The following POLQ variants were observed in gnomAD, a reference collection of about 807,000 sequenced individuals.
POLQ encodes the protein epididymis secretory sperm binding protein.
In POLQ, 233 loss-of-function variants were observed where a neutral mutation model predicts 259.2. The observed-to-expected ratio is 0.90, with a 90% confidence interval of 0.81 to 1.00. POLQ has a LOEUF of 1.00. Among genes scored for constraint, POLQ ranks in the 50% least tolerant of loss-of-function variants. The pLI is 0.00. For missense variants in POLQ, 2,871 were observed against 3,051.6 expected, an observed-to-expected ratio of 0.94 and a Z score of 1.39; for synonymous variants, 1,025 against 1,048.8, an observed-to-expected ratio of 0.98 and a Z score of 0.44.
intron 19 of POLQ, among the ~76,000 whole-genome samples, chr3:121,481,012 C>A (rs2047965894): frequency 6.6e-6 from 1 of 152,080 alleles, no homozygotes; most frequent in South Asian, 2.1e-4. Context: ...TGATCTGGGC[C>A]AGCAGATAAC....
At chr3:121,543,756 C>A (rs533658682) in intron 2 of POLQ, among the ~76,000 whole-genome samples, 1 of 151,532 alleles carries the variant, frequency 6.6e-6, no homozygotes, top group Non-Finnish European at 1.5e-5. Flanking sequence ...GGCTGAGGTG[C>A]GTGGATCACC....
chr3:121,501,784 A>G (rs28406368), intron 12 of POLQ, among the ~76,000 whole-genome samples: 95,178 of 150,844 alleles, frequency 0.63, 30,425 homozygotes, highest in East Asian at 0.89. Flanking sequence ...TCAGGAGTTC[A>G]AGACTAGCCT....
At chr3:121,459,819 A>G (rs2047776344) in intron 25 of POLQ, among the ~76,000 whole-genome samples, 2 of 152,120 alleles carry the variant, frequency 1.3e-5, no homozygotes, top group South Asian at 4.1e-4. Flanking sequence ...TTAAATGCAT[A>G]TGGTTTTCCT....
chr3:121,467,566 C>T lies in POLQ; in HGVS notation c.6920G>A (p.Gly2307Glu), dbSNP rs752041083. 25 of 1,613,928 alleles carry T rather than the reference C, an allele frequency of 1.5e-5. No homozygotes were observed. Among genetic ancestry groups the T allele is most frequent in the South Asian group, 1.4e-4 (13 of 91,082 alleles). The change falls in exon 24 of 30, where the codon GGA becomes GAA. Residue 2307 changes from glycine to glutamate, a missense_variant. Coordinates refer to ENST00000264233, the MANE Select transcript of POLQ (RefSeq NM_199420.4). ...AQMEERAADR[G>E]MPFSISMRHA... ...TCGCATGCTAATTGAAAATGGCATT[C>T]CTCTGTCTGCAGCTCTCTCCTCCAT...
At chr3:121,469,056 G>A (rs1261850118) in intron 22 of POLQ, among the ~76,000 whole-genome samples, 5 of 151,960 alleles carry the variant, frequency 3.3e-5, no homozygotes, top group Non-Finnish European at 5.9e-5. Flanking sequence ...GCATGATGGC[G>A]GGTGCCTGCA....
At chr3:121,466,739 T>G (rs968839426) in intron 24 of POLQ, among the ~76,000 whole-genome samples, 8 of 151,786 alleles carry the variant, frequency 5.3e-5, no homozygotes, top group African/African-American at 1.9e-4. Flanking sequence ...TTCTGGGGAC[T>G]CCCTTGGATA....
intron 6 of POLQ, 70 bp downstream of exon 6, chr3:121,532,920 T>C: frequency 1.0e-6 from 1 of 979,280 alleles, no homozygotes; most frequent in Non-Finnish European, 1.6e-6. Flanking sequence ...CAGAATTTGT[T>C]AGCAATTTGC....
At chr3:121,515,078 A>G (rs1028559623) in intron 9 of POLQ, among the ~76,000 whole-genome samples, 8 of 152,328 alleles carry the variant, frequency 5.3e-5, no homozygotes, top group Non-Finnish European at 7.3e-5. Flanking sequence ...AGTTCTGCCA[A>G]GGGTGGAAGT....
Position 121,433,614 on chromosome 3 carries a change from C to T in POLQ, c.7544-581G>A, listed in dbSNP as rs528139833. Reference sequence around the variant, plus strand: ...TTATATGTAAGAGTCTATGTCTGTACGTTTTTCTGTGGAGATAATCCATAC... The same window carrying T: ...TTATATGTAAGAGTCTATGTCTGTATGTTTTTCTGTGGAGATAATCCATAC... On this transcript the variant is annotated intron_variant, in intron 28 of 29. Coordinates refer to ENST00000264233, the MANE Select transcript of POLQ (RefSeq NM_199420.4). Among the ~76,000 whole-genome samples the T allele has an allele frequency of 8.5e-5, 13 of 152,284 alleles. No homozygotes were observed. The South Asian group carries it at 1.5e-3, about 17-fold the overall frequency.
chr3:121,504,646 T>A (rs1198267309), intron 12 of POLQ, among the ~76,000 whole-genome samples: 2 of 152,114 alleles, frequency 1.3e-5, no homozygotes, highest in Non-Finnish European at 2.9e-5. Context: ...AATAAAATAC[T>A]AGCAATAAAA....
At chr3:121,447,893 A>T (rs1343720629) in intron 26 of POLQ, among the ~76,000 whole-genome samples, 1 of 152,220 alleles carries the variant, frequency 6.6e-6, no homozygotes, top group Non-Finnish European at 1.5e-5. Context: ...GCTGCCAGAC[A>T]TATTGAAGCT....
At chr3:121,432,564 A>G in intron 29 of POLQ, 147 bp from the exon 30 acceptor site, 2 of 711,208 alleles carry the variant, frequency 2.8e-6, no homozygotes, top group Non-Finnish European at 4.2e-6. Context: ...AATAAAATAA[A>G]TAAATGAATA....
chr3:121,494,215 T>A, intron 14 of POLQ: 1 of 1,467,118 alleles, frequency 6.8e-7, no homozygotes, highest in Non-Finnish European at 9.4e-7. Context: ...TGAAAAGGCC[T>A]AAGAATTTTG....
chr3:121,432,207 G>T lies in POLQ; in HGVS notation c.*97C>A. ...AGGCTAAGTCTATCAAGACTTGAAA[G>T]TTTGTTTTGCTGAGGTAGGTGAAAG... On this transcript the variant is annotated 3_prime_UTR_variant, in exon 30 of 30. Transcript: ENST00000264233. 1 of 1,127,860 alleles carries T rather than the reference G, an allele frequency of 8.9e-7. No individual in the cohort carries two copies. The highest frequency in any genetic ancestry group is 1.2e-6 in the Non-Finnish European group (1 of 815,688). 69.9% of individuals were successfully genotyped at this position (1,127,860 alleles called of 1,614,324 possible). A position where few individuals can be genotyped will look rare whatever the true frequency, so the allele number is the denominator to read the frequency against.
intron 12 of POLQ, among the ~76,000 whole-genome samples, chr3:121,505,303 A>C (rs1024805721): frequency 6.6e-6 from 1 of 152,224 alleles, no homozygotes; most frequent in African/African-American, 2.4e-5. Flanking sequence ...TGAGCCAATT[A>C]AACCTCTTTT....
chr3:121,481,971 T>C (rs965051076), intron 18 of POLQ, among the ~76,000 whole-genome samples, 159 bp from the exon 19 acceptor site: 5 of 152,198 alleles, frequency 3.3e-5, no homozygotes, highest in African/African-American at 1.2e-4. Flanking sequence ...AAAGAATAAT[T>C]GTAACAGGAC....
At chr3:121,472,625 C>T (rs553708463) in intron 21 of POLQ, among the ~76,000 whole-genome samples, 123 of 152,228 alleles carry the variant, frequency 8.1e-4, no homozygotes, top group Non-Finnish European at 1.5e-3. Context: ...TATAGACTTT[C>T]AGTGAACTAT....
rs1379981119 is a variant in POLQ, at chr3:121,473,347, C to T, written c.6543+3G>A. ...CCTGCTCTGTGACTGCCCCAAAGAG[C>T]ACCTTACTAGTGCTGAACTGTCTTC... On this transcript the variant is annotated splice_donor_region_variant and intron_variant, in intron 21 of 29. Transcript: ENST00000264233. 1.2e-6 allele frequency: 2 copies of T among 1,608,214 alleles called. No homozygotes were observed. The highest frequency in any genetic ancestry group is 1.3e-5 in the African/African-American group (1 of 74,586).
intron 9 of POLQ, among the ~76,000 whole-genome samples, chr3:121,512,847 C>T (rs2048265218): frequency 6.6e-6 from 1 of 152,086 alleles, no homozygotes; most frequent in Non-Finnish European, 1.5e-5. Context: ...TAAATTGTTA[C>T]CAGTTATATG....
Sources: gnomAD v4.1 joint callset for allele counts (sites outside exome capture counted in the v4.1 genomes callset) on GRCh38, gnomAD v4.1.1 for gene constraint, MANE v1.5 for transcripts, NCBI Gene and HGNC (gene_info 2026-07-23, HGNC 2026-07-21) for gene names.